The following KIF26B variants were observed in gnomAD, a reference collection of about 807,000 sequenced individuals.
The protein encoded by KIF26B is kinesin-like protein KIF26B.
KIF26B carries 63 observed loss-of-function variants against 151.2 expected under a neutral mutation model. That is an observed-to-expected ratio of 0.42 (90% CI 0.34 to 0.51). The LOEUF (loss-of-function observed/expected upper bound fraction) is 0.51. Ranked by LOEUF, KIF26B falls within the 20% of genes least tolerant of loss-of-function variation. The pLI is 0.07. For missense variants in KIF26B, 2,813 were observed against 2,913.6 expected (o/e 0.97, Z 0.79); for synonymous variants, 1,357 against 1,262.1 (o/e 1.08, Z -1.59).
chr1:245,679,837 C>G (rs2044409072), intron 10 of KIF26B, among the ~76,000 whole-genome samples: 1 of 152,094 alleles, frequency 6.6e-6, no homozygotes, highest in South Asian at 2.1e-4. Context: ...GTAAACACAA[C>G]TACTTGAAAG....
chr1:245,597,592 T>G lies in KIF26B; in HGVS notation c.1351-4985T>G, dbSNP rs1411805653. On this transcript the variant is annotated intron_variant, in intron 5 of 14. Transcript: ENST00000407071. The surrounding 1 kb of genome is among the most constrained non-coding windows in gnomAD (Gnocchi z 4.6). Reference sequence around the variant, plus strand: ...TCCATCATTTCAACCTTGGTGAATCTGACGATTTTGTGTCTTGGGGTTGCT... The same window carrying G: ...TCCATCATTTCAACCTTGGTGAATCGGACGATTTTGTGTCTTGGGGTTGCT... 6.6e-6 allele frequency among the ~76,000 whole-genome samples: 1 copy of G among 152,212 alleles called. No individual in the cohort carries two copies. The highest frequency in any genetic ancestry group is 1.5e-5 in the Non-Finnish European group (1 of 68,044).
intron 10 of KIF26B, among the ~76,000 whole-genome samples, chr1:245,658,236 C>T (rs534296682): frequency 3.0e-4 from 45 of 152,194 alleles, no homozygotes; most frequent in Non-Finnish European, 5.4e-4. Flanking sequence ...CATTGCTGTA[C>T]GATTTTTCCA....
At chr1:245,295,693 T>G (rs1240485242) in intron 2 of KIF26B, among the ~76,000 whole-genome samples, 1 of 152,210 alleles carries the variant, frequency 6.6e-6, no homozygotes, top group Non-Finnish European at 1.5e-5. Flanking sequence ...TTTACTATTT[T>G]CTTAAGTCCT....
At chr1:245,582,206 C>T (rs1449684887) in intron 5 of KIF26B, among the ~76,000 whole-genome samples, 1 of 152,194 alleles carries the variant, frequency 6.6e-6, no homozygotes, top group African/African-American at 2.4e-5. Flanking sequence ...GAGAGCTACA[C>T]GAGCTGTGAA....
At chr1:245,542,845 G>A (rs1400715994) in intron 5 of KIF26B, among the ~76,000 whole-genome samples, 5 of 152,172 alleles carry the variant, frequency 3.3e-5, no homozygotes, top group Admixed American at 6.5e-5. Flanking sequence ...CTTCAGTGCC[G>A]GAGCTGAACT....
At position 245,708,600 on chromosome 1, in the gene KIF26B, C is replaced by G. The variant is rs2044869981; in HGVS notation, c.*5994C>G. On this transcript the variant is annotated 3_prime_UTR_variant, in exon 15 of 15. Coordinates refer to ENST00000407071, the MANE Select transcript of KIF26B (RefSeq NM_018012.4). Reference sequence around the variant, plus strand: ...TGATATATTCCATAGGACAGAAAACCTGAGTTCTAATTCCAGCTTTGCCAG... The same window carrying G: ...TGATATATTCCATAGGACAGAAAACGTGAGTTCTAATTCCAGCTTTGCCAG... 1 of 150,842 alleles carries G rather than the reference C, an allele frequency of 6.6e-6. No homozygotes were observed. The highest frequency in any genetic ancestry group is 2.4e-5 in the African/African-American group (1 of 40,934). The allele number at this position is 150,842 out of a possible 1,614,324, so 9.3% of individuals were successfully genotyped here. A position where few individuals can be genotyped will look rare whatever the true frequency, so the allele number is the denominator to read the frequency against.
chr1:245,631,412 T>C (rs1313310386), intron 9 of KIF26B, among the ~76,000 whole-genome samples: 1 of 152,222 alleles, frequency 6.6e-6, no homozygotes, highest in East Asian at 1.9e-4. Flanking sequence ...CATATGTTGA[T>C]GTGATGTGCA....
chr1:245,285,433 G>T (rs1671148294), intron 2 of KIF26B, among the ~76,000 whole-genome samples: 1 of 152,212 alleles, frequency 6.6e-6, no homozygotes, highest in South Asian at 2.1e-4. Flanking sequence ...CTAGATACAG[G>T]TAGAGAATCT....
intron 10 of KIF26B, among the ~76,000 whole-genome samples, chr1:245,675,978 T>G (rs55706558): frequency 0.62 from 94,728 of 151,916 alleles, 30,096 homozygotes; most frequent in East Asian, 0.82. Context: ...TGTACTGGGA[T>G]ATGGTAAGTT....
At chr1:245,400,901 A>G (rs1201190070) in intron 3 of KIF26B, among the ~76,000 whole-genome samples, 1 of 152,134 alleles carries the variant, frequency 6.6e-6, no homozygotes, top group African/African-American at 2.4e-5. Flanking sequence ...GAAAATACAT[A>G]AAAAAAGACC....
chr1:245,252,543 T>C (rs1670463620), intron 2 of KIF26B, among the ~76,000 whole-genome samples: 1 of 152,162 alleles, frequency 6.6e-6, no homozygotes, highest in African/African-American at 2.4e-5. Context: ...TAATGAGATA[T>C]ATAACAAACT....
chr1:245,298,505 G>A (rs547313596), intron 2 of KIF26B, among the ~76,000 whole-genome samples: 1 of 152,330 alleles, frequency 6.6e-6, no homozygotes, highest in South Asian at 2.1e-4. Flanking sequence ...GAGGGAGGGA[G>A]AATGGGTGCC....
At chr1:245,408,386 G>A (rs1333366045) in intron 3 of KIF26B, among the ~76,000 whole-genome samples, 2 of 100,968 alleles carry the variant, frequency 2.0e-5, no homozygotes, top group African/African-American at 7.4e-5. Flanking sequence ...ACACAGTCTT[G>A]CTCTGTCACC....
At chr1:245,172,389 T>C (rs1482176496) in intron 2 of KIF26B, among the ~76,000 whole-genome samples, 4 of 151,886 alleles carry the variant, frequency 2.6e-5, no homozygotes, top group Non-Finnish European at 5.9e-5. Flanking sequence ...GAAGGGGTGA[T>C]GATGGAGAGG....
At chr1:245,212,439 A>G (rs1669557565) in intron 2 of KIF26B, among the ~76,000 whole-genome samples, 1 of 152,082 alleles carries the variant, frequency 6.6e-6, no homozygotes, top group East Asian at 1.9e-4. Flanking sequence ...CTCCATTCTC[A>G]GCTGTTGTGT....
At chr1:245,238,210 C>T (rs1299056047) in intron 2 of KIF26B, among the ~76,000 whole-genome samples, 1 of 152,046 alleles carries the variant, frequency 6.6e-6, no homozygotes, top group Non-Finnish European at 1.5e-5. Flanking sequence ...GTGGCAGGCA[C>T]ATGTAATCCC....
chr1:245,446,759 T>C (rs1174857504), intron 4 of KIF26B, among the ~76,000 whole-genome samples: 1 of 152,000 alleles, frequency 6.6e-6, no homozygotes, highest in Non-Finnish European at 1.5e-5. Flanking sequence ...GGTGGAGGGG[T>C]CTGATACAAT....
At chr1:245,356,247 C>T (rs1262132177) in intron 2 of KIF26B, among the ~76,000 whole-genome samples, 2 of 152,044 alleles carry the variant, frequency 1.3e-5, no homozygotes, top group East Asian at 3.8e-4. Flanking sequence ...GTGACAAAAG[C>T]AAAAAGGGAT....
intron 2 of KIF26B, among the ~76,000 whole-genome samples, chr1:245,174,568 G>A (rs1450234865): frequency 6.6e-6 from 1 of 152,208 alleles, no homozygotes; most frequent in Non-Finnish European, 1.5e-5. Context: ...GTGCAGTGGT[G>A]CAATCATAGC....
Sources: allele counts gnomAD v4.1 joint callset (sites outside exome capture counted in the v4.1 genomes callset), GRCh38; gene constraint gnomAD v4.1.1; non-coding constraint Gnocchi (gnomAD v3.1); transcripts MANE v1.5; gene names NCBI Gene and HGNC (gene_info 2026-07-23, HGNC 2026-07-21).